The following RREB1 variants were observed in gnomAD, a reference collection of about 807,000 sequenced individuals.
RREB1 encodes the protein ras responsive element binding protein 1, also known as ras-responsive element-binding protein 1.
In RREB1, 27 loss-of-function variants were observed where a neutral mutation model predicts 117.8. The ratio of observed to expected loss-of-function variants is 0.23; its 90% CI spans 0.17 to 0.32. The LOEUF is 0.32. Among genes scored for constraint, RREB1 ranks in the 10% least tolerant of loss-of-function variants. The pLI is 1.00. For synonymous variants in RREB1, 1,298 were observed against 1,026.7 expected, an observed-to-expected ratio of 1.26 and a Z score of -5.05; for missense variants, 2,577 against 2,378.2, an observed-to-expected ratio of 1.08 and a Z score of -1.74.
At chr6:7,148,577 CA>C (rs1762976305) in intron 1 of RREB1, among the ~76,000 whole-genome samples, 1 of 151,788 alleles carries the variant, frequency 6.6e-6, no homozygotes, top group African/African-American at 2.4e-5. Flanking sequence ...TTTCCAGAGG[CA>C]GCCTAGTGTA....
At chr6:7,122,974 C>G (rs986190174) in intron 1 of RREB1, among the ~76,000 whole-genome samples, 2 of 152,202 alleles carry the variant, frequency 1.3e-5, no homozygotes, top group Non-Finnish European at 1.5e-5. Flanking sequence ...GTGGTGACCA[C>G]ACATACTCTC....
chr6:7,194,759 T>C (rs916058587), intron 6 of RREB1, among the ~76,000 whole-genome samples: 9 of 152,334 alleles, frequency 5.9e-5, no homozygotes, highest in African/African-American at 1.9e-4. Flanking sequence ...TAATAATGTT[T>C]GTAAAAGGGT....
At chr6:7,183,402 T>G (rs755624888) in intron 4 of RREB1, 2 of 152,260 alleles carry the variant, frequency 1.3e-5, no homozygotes, top group African/African-American at 2.4e-5. Flanking sequence ...CCAGTTCCTA[T>G]ATCCAGCTAG....
At chr6:7,141,230 G>A (rs553166195) in intron 1 of RREB1, among the ~76,000 whole-genome samples, 4 of 152,198 alleles carry the variant, frequency 2.6e-5, no homozygotes, top group African/African-American at 9.6e-5. Context: ...CGGGCTGGCG[G>A]GGGCCGGGCG....
intron 1 of RREB1, chr6:7,108,831 G>A (rs1043443000): frequency 2.0e-5 from 3 of 151,706 alleles, no homozygotes; most frequent in Non-Finnish European, 4.4e-5. Context: ...GCCGGGAGGG[G>A]GCCGCGGGCA....
At chr6:7,217,534 G>T (rs935459644) in intron 8 of RREB1, 2 of 152,118 alleles carry the variant, frequency 1.3e-5, no homozygotes, top group Admixed American at 6.5e-5. Context: ...TCCTCTGAAC[G>T]CACAGCCTGG....
intron 1 of RREB1, chr6:7,140,586 A>G (rs577070870): frequency 6.6e-6 from 1 of 152,354 alleles, no homozygotes; most frequent in African/African-American, 2.4e-5. Flanking sequence ...AGAGAAAAGG[A>G]CACGAACATT....
chr6:7,126,161 C>A (rs758479477), intron 1 of RREB1, among the ~76,000 whole-genome samples: 8 of 152,034 alleles, frequency 5.3e-5, no homozygotes, highest in Non-Finnish European at 8.8e-5. Flanking sequence ...ACCACCACAC[C>A]CAGCTAATTT....
intron 6 of RREB1, among the ~76,000 whole-genome samples, chr6:7,208,946 G>A (rs769190190): frequency 1.3e-5 from 2 of 152,124 alleles, no homozygotes; most frequent in South Asian, 2.1e-4. Context: ...CACATAGGTC[G>A]GCTCAAGCTC....
In RREB1 at chr6:7,229,845, G is replaced by A. The variant is rs1255721043; in HGVS notation, c.1746G>A (p.Pro582=). The change falls in exon 10 of 13, where the codon CCG becomes CCA. Residue 582 remains proline, a synonymous_variant. Transcript: ENST00000379938. The surrounding 1 kb of genome is among the most constrained non-coding windows in gnomAD (Gnocchi z 4.5). ...CCACGCGGCTCTCCCTGCAGCAGCC[G>A]CGGGCGGAGCTGCCGGGCCAGCCTG... ...HAATRLSLQQ[P]RAELPGQPEM... is the part of the protein sequence containing the mutation. 13 of 1,610,130 alleles carry A rather than the reference G, an allele frequency of 8.1e-6. No individual in the cohort carries two copies. The highest frequency in any genetic ancestry group is 2.2e-5 in the East Asian group (1 of 44,778).
Position 7,248,632 on chromosome 6 carries a change from C to T in RREB1, c.4893C>T (p.Asp1631=), listed in dbSNP as rs1769255605. The change falls in exon 13 of 13, where the codon GAC becomes GAT. Residue 1631 remains aspartate, a synonymous_variant. Coordinates refer to ENST00000379938, the MANE Select transcript of RREB1 (RefSeq NM_001003699.4). ...CCAAACACCACGGGAAGGACAGCGACAAGGAAGAGCGGGGTGAGGAGGACA... is the reference window on the plus strand; with the variant it reads ...CCAAACACCACGGGAAGGACAGCGATAAGGAAGAGCGGGGTGAGGAGGACA... ...RHAKHHGKDS[D]KEERGEEDSE... is the part of the protein sequence containing the mutation. The T allele has an allele frequency of 6.2e-7, 1 of 1,614,256 alleles. No homozygotes were observed. The highest frequency in any genetic ancestry group is 8.5e-7 in the Non-Finnish European group (1 of 1,180,048).
intron 1 of RREB1, among the ~76,000 whole-genome samples, chr6:7,174,269 A>G (rs1342307786): frequency 1.3e-5 from 2 of 151,554 alleles, no homozygotes; most frequent in Non-Finnish European, 2.9e-5. Context: ...CTCAGGCCTA[A>G]TAGAACCCAA....
chr6:7,182,613 G>A (rs1053373733), intron 4 of RREB1, among the ~76,000 whole-genome samples: 2 of 152,176 alleles, frequency 1.3e-5, no homozygotes, highest in Non-Finnish European at 2.9e-5. Flanking sequence ...GAATTGAGAA[G>A]GGTTAATGCT....
intron 1 of RREB1, among the ~76,000 whole-genome samples, chr6:7,159,995 G>A (rs998119637): frequency 1.3e-5 from 2 of 151,964 alleles, no homozygotes; most frequent in African/African-American, 4.8e-5. Context: ...TGCAGTACCT[G>A]TTATAGATTG....
chr6:7,136,963 C>A (rs1344020933), intron 1 of RREB1, among the ~76,000 whole-genome samples: 1 of 152,212 alleles, frequency 6.6e-6, no homozygotes, highest in South Asian at 2.1e-4. Context: ...AAAGATGAAG[C>A]CACCGCGGCA....
chr6:7,199,690 G>A, intron 6 of RREB1, among the ~76,000 whole-genome samples: 1 of 151,804 alleles, frequency 6.6e-6, no homozygotes. Context: ...TTGAGACGGG[G>A]TCTCACTCTG....
intron 4 of RREB1, chr6:7,185,174 A>G (rs996516897): frequency 2.0e-5 from 3 of 152,178 alleles, no homozygotes; most frequent in African/African-American, 2.4e-5. Context: ...TGTTTTTTCC[A>G]CTATCTCTAG....
chr6:7,170,153 T>G (rs1764141877), intron 1 of RREB1, among the ~76,000 whole-genome samples: 1 of 152,172 alleles, frequency 6.6e-6, no homozygotes, highest in Non-Finnish European at 1.5e-5. Context: ...AATAAAATGC[T>G]CCAGGTCAAG....
At chr6:7,141,876 T>C (rs1028941206) in intron 1 of RREB1, among the ~76,000 whole-genome samples, 5 of 152,216 alleles carry the variant, frequency 3.3e-5, no homozygotes, top group African/African-American at 1.2e-4. Flanking sequence ...CGCAGAGGGC[T>C]GGATAATTGC....
Sources: allele counts gnomAD v4.1 joint callset (sites outside exome capture counted in the v4.1 genomes callset), GRCh38; gene constraint gnomAD v4.1.1; non-coding constraint Gnocchi (gnomAD v3.1); transcripts MANE v1.5; gene names NCBI Gene and HGNC (gene_info 2026-07-23, HGNC 2026-07-21).